IMMP2L: variants seen among roughly 807,000 people sequenced by gnomAD.
IMMP2L encodes the protein inner mitochondrial membrane peptidase subunit 2.
In IMMP2L, 18 loss-of-function variants were observed where a neutral mutation model predicts 19.3. The ratio of observed to expected loss-of-function variants is 0.93; its 90% CI spans 0.64 to 1.38. The LOEUF (loss-of-function observed/expected upper bound fraction) is 1.38. IMMP2L is among the 40% of genes most tolerant of loss of function. The probability of loss-of-function intolerance (pLI) is 0.00; values close to 1 mark genes in which losing one functional copy is unlikely to be tolerated. For synonymous variants in IMMP2L, 76 were observed against 73.0 expected, an observed-to-expected ratio of 1.04 and a Z score of -0.21; for missense variants, 233 against 218.2, an observed-to-expected ratio of 1.07 and a Z score of -0.43.
chr7:111,157,350 T>G (rs188403174), intron 3 of IMMP2L, among the ~76,000 whole-genome samples: 89 of 152,166 alleles, frequency 5.8e-4, no homozygotes, highest in Admixed American at 4.0e-3. Context: ...GATGAATGAA[T>G]AAAGAAAATG....
At chr7:111,200,381 G>C (rs1310083334) in intron 3 of IMMP2L, among the ~76,000 whole-genome samples, 1 of 151,872 alleles carries the variant, frequency 6.6e-6, no homozygotes, top group Non-Finnish European at 1.5e-5. Flanking sequence ...ACATCTAGTG[G>C]AACTATATAA....
chr7:110,680,747 C>T (rs1214510233), intron 5 of IMMP2L, among the ~76,000 whole-genome samples: 1 of 152,108 alleles, frequency 6.6e-6, no homozygotes, highest in Non-Finnish European at 1.5e-5. Context: ...TCCTTTTCTC[C>T]ACTCCCAGCA....
chr7:110,884,329 T>C (rs1448723568), intron 5 of IMMP2L, among the ~76,000 whole-genome samples: 5 of 152,006 alleles, frequency 3.3e-5, no homozygotes, highest in Non-Finnish European at 7.4e-5. Flanking sequence ...TTAGAAAATA[T>C]TCTAAGCAAC....
intron 4 of IMMP2L, among the ~76,000 whole-genome samples, chr7:110,931,846 C>T (rs923021830): frequency 3.3e-5 from 5 of 152,138 alleles, no homozygotes; most frequent in African/African-American, 9.7e-5. Context: ...TCATATCCAC[C>T]AGAGGACCCC....
intron 5 of IMMP2L, among the ~76,000 whole-genome samples, chr7:110,761,243 G>C (rs1173008784): frequency 1.3e-5 from 2 of 152,108 alleles, no homozygotes; most frequent in Non-Finnish European, 2.9e-5. Flanking sequence ...ATGACTTCTT[G>C]ACGATGGGGA....
chr7:111,026,198 A>C (rs772623307), intron 3 of IMMP2L, among the ~76,000 whole-genome samples: 5 of 152,186 alleles, frequency 3.3e-5, no homozygotes, highest in Admixed American at 2.0e-4. Flanking sequence ...TACATTGTAT[A>C]ATTTTACCTT....
chr7:111,532,729 A>T (rs1363810787), intron 1 of IMMP2L: 1 of 152,194 alleles, frequency 6.6e-6, no homozygotes, highest in Non-Finnish European at 1.5e-5. Context: ...TTAGAAACAC[A>T]GGCTCCCCCA....
intron 3 of IMMP2L, among the ~76,000 whole-genome samples, chr7:111,161,557 C>G (rs1805264184): frequency 6.6e-6 from 1 of 151,754 alleles, no homozygotes; most frequent in Admixed American, 6.6e-5. Flanking sequence ...AATAGCAAAT[C>G]AGGAAACGAA....
chr7:111,425,403 A>C (rs143747693), intron 3 of IMMP2L, among the ~76,000 whole-genome samples: 68 of 151,152 alleles, frequency 4.5e-4, no homozygotes, highest in African/African-American at 1.6e-3. Context: ...TTGTATTTAA[A>C]TTTTACCTCA....
At chr7:110,896,330 G>C (rs1811320003) in intron 4 of IMMP2L, among the ~76,000 whole-genome samples, 2 of 152,106 alleles carry the variant, frequency 1.3e-5, no homozygotes, top group Admixed American at 1.3e-4. Context: ...TAAAGGTGTA[G>C]ATACCATAAT....
chr7:111,205,041 A>G (rs1810549162), intron 3 of IMMP2L, among the ~76,000 whole-genome samples: 2 of 152,206 alleles, frequency 1.3e-5, no homozygotes, highest in South Asian at 4.1e-4. Flanking sequence ...TCCAAGACCA[A>G]GGTGCCAGCA....
intron 3 of IMMP2L, among the ~76,000 whole-genome samples, chr7:111,362,505 G>A (rs1475991222): frequency 6.6e-6 from 1 of 151,462 alleles, no homozygotes; most frequent in Non-Finnish European, 1.5e-5. Context: ...CTCTGTTTAT[G>A]AAAGAACTGA....
intron 3 of IMMP2L, among the ~76,000 whole-genome samples, chr7:111,259,673 A>G (rs891123961): frequency 6.8e-6 from 1 of 146,940 alleles, no homozygotes; most frequent in African/African-American, 2.5e-5. Flanking sequence ...TAATAATAAT[A>G]AATTAAGCTT....
intron 3 of IMMP2L, among the ~76,000 whole-genome samples, chr7:111,283,573 C>T (rs1820137375): frequency 6.6e-6 from 1 of 151,896 alleles, no homozygotes; most frequent in Non-Finnish European, 1.5e-5. Flanking sequence ...TCGAGGAAGA[C>T]GAGCTGGAAA....
chr7:111,198,196 G>GA (rs1345516423), intron 3 of IMMP2L, among the ~76,000 whole-genome samples: 5 of 151,904 alleles, frequency 3.3e-5, no homozygotes, highest in Non-Finnish European at 7.4e-5. Context: ...TTTGAAAAAA[G>GA]AAAAAAATGC....
At chr7:111,363,987 T>C (rs1015292650) in intron 3 of IMMP2L, among the ~76,000 whole-genome samples, 2 of 151,856 alleles carry the variant, frequency 1.3e-5, no homozygotes, top group African/African-American at 4.8e-5. Flanking sequence ...TCCAGAAAAC[T>C]TTCATGTAAG....
At chr7:111,040,818 A>G (rs1172332054) in intron 3 of IMMP2L, among the ~76,000 whole-genome samples, 2 of 151,258 alleles carry the variant, frequency 1.3e-5, no homozygotes, top group African/African-American at 2.4e-5. Flanking sequence ...AAAGATATTT[A>G]AAACTGATGC....
chr7:110,846,763 T>C (rs976509711), intron 5 of IMMP2L, among the ~76,000 whole-genome samples: 1 of 152,182 alleles, frequency 6.6e-6, no homozygotes, highest in African/African-American at 2.4e-5. Flanking sequence ...AATAAGGACA[T>C]AGACATTCTT....
intron 4 of IMMP2L, among the ~76,000 whole-genome samples, chr7:110,935,618 C>A (rs977389000): frequency 6.6e-6 from 1 of 152,004 alleles, no homozygotes; most frequent in Non-Finnish European, 1.5e-5. Context: ...ATTCTCCCCA[C>A]CACTTTCAGG....
Sources: allele counts gnomAD v4.1 joint callset (sites outside exome capture counted in the v4.1 genomes callset), GRCh38; gene constraint gnomAD v4.1.1; transcripts MANE v1.5; gene names NCBI Gene and HGNC (gene_info 2026-07-23, HGNC 2026-07-21).